Variants in NTRK3 observed in about 807,000 individuals in gnomAD.
NTRK3 encodes the protein neurotrophic receptor tyrosine kinase 3, also known as NT-3 growth factor receptor.
In NTRK3, 24 loss-of-function variants were observed where a neutral mutation model predicts 91.7. The ratio of observed to expected loss-of-function variants is 0.26; its 90% CI spans 0.19 to 0.37. NTRK3 has a LOEUF of 0.37. NTRK3 is among the 10% of genes least tolerant of loss of function. NTRK3 has a pLI of 1.00. For synonymous variants in NTRK3, 483 were observed against 404.0 expected (o/e 1.20, Z -2.34); for missense variants, 880 against 1,068.9 (o/e 0.82, Z 2.46).
intron 14 of NTRK3, among the ~76,000 whole-genome samples, chr15:88,024,040 T>C (rs1193529828): frequency 1.3e-5 from 2 of 152,230 alleles, no homozygotes; most frequent in Non-Finnish European, 2.9e-5. Context: ...CAGAAATCTA[T>C]ATCACGCTGA....
At chr15:88,198,851 G>T (rs1597902908) in intron 3 of NTRK3, among the ~76,000 whole-genome samples, 2 of 152,238 alleles carry the variant, frequency 1.3e-5, no homozygotes, top group South Asian at 2.1e-4. Context: ...ACAAAACAGA[G>T]AGCTGAGGAG....
intron 14 of NTRK3, among the ~76,000 whole-genome samples, chr15:87,952,609 C>T (rs1028659673): frequency 1.3e-5 from 2 of 152,208 alleles, no homozygotes; most frequent in East Asian, 3.8e-4. Flanking sequence ...TCTTGGCCGC[C>T]GGCTCACCCT....
intron 14 of NTRK3, among the ~76,000 whole-genome samples, chr15:87,976,293 A>C (rs895869630): frequency 3.3e-5 from 5 of 152,112 alleles, no homozygotes; most frequent in African/African-American, 9.7e-5. Context: ...TCCATTTGGC[A>C]TAAGGGGGTC....
At chr15:88,077,947 G>A (rs1269892745) in intron 13 of NTRK3, among the ~76,000 whole-genome samples, 2 of 152,162 alleles carry the variant, frequency 1.3e-5, no homozygotes, top group East Asian at 1.9e-4. Context: ...AGGAAATCTC[G>A]GATCATGTCC....
intron 14 of NTRK3, among the ~76,000 whole-genome samples, chr15:87,952,282 AAG>A (rs2071204229): frequency 6.6e-6 from 1 of 151,802 alleles, no homozygotes; most frequent in Non-Finnish European, 1.5e-5. Flanking sequence ...GAAAGAAAGA[AAG>A]AAAAGAAAGA....
intron 14 of NTRK3, among the ~76,000 whole-genome samples, chr15:87,993,514 CT>C (rs1438578157): frequency 3.9e-5 from 6 of 152,052 alleles, no homozygotes; most frequent in Non-Finnish European, 8.8e-5. Context: ...AAGAATAGTT[CT>C]TCACCTTTCT....
At chr15:87,994,318 T>C (rs1223862633) in intron 14 of NTRK3, among the ~76,000 whole-genome samples, 2 of 152,222 alleles carry the variant, frequency 1.3e-5, no homozygotes, top group African/African-American at 4.8e-5. Flanking sequence ...TCTTTGCAGA[T>C]GTTCAAGTTA....
At chr15:87,989,404 C>CA (rs1458355067) in intron 14 of NTRK3, among the ~76,000 whole-genome samples, 1 of 151,946 alleles carries the variant, frequency 6.6e-6, no homozygotes, top group Non-Finnish European at 1.5e-5. Flanking sequence ...ATCGCAAGGA[C>CA]AAAAAACCAA....
intron 13 of NTRK3, among the ~76,000 whole-genome samples, chr15:88,121,176 AT>A (rs1232897537): frequency 1.3e-5 from 2 of 152,190 alleles, no homozygotes; most frequent in African/African-American, 4.8e-5. Context: ...TATACTTTCT[AT>A]TAAATAATTT....
At chr15:88,060,547 G>A (rs1597066219) in intron 13 of NTRK3, among the ~76,000 whole-genome samples, 1 of 152,240 alleles carries the variant, frequency 6.6e-6, no homozygotes, top group East Asian at 1.9e-4. Flanking sequence ...CCAGTGGCAA[G>A]ATAAGGGGGA....
chr15:88,043,981 G>T (rs2079900147), intron 13 of NTRK3, among the ~76,000 whole-genome samples: 1 of 152,076 alleles, frequency 6.6e-6, no homozygotes, highest in Non-Finnish European at 1.5e-5. Context: ...GTCATACCAT[G>T]GCATATTGTC....
intron 13 of NTRK3, among the ~76,000 whole-genome samples, chr15:88,077,332 C>A (rs2047638280): frequency 6.6e-6 from 1 of 152,118 alleles, no homozygotes. Flanking sequence ...GAGTCACGAA[C>A]TGCATGGCTC....
At chr15:87,950,023 G>A (rs1213148287) in intron 14 of NTRK3, among the ~76,000 whole-genome samples, 7 of 152,154 alleles carry the variant, frequency 4.6e-5, no homozygotes, top group Non-Finnish European at 1.0e-4. Context: ...TCTCCCCAGA[G>A]GCCCTTCCTT....
chr15:88,092,117 A>C (rs2049071746), intron 13 of NTRK3, among the ~76,000 whole-genome samples: 1 of 152,190 alleles, frequency 6.6e-6, no homozygotes, highest in African/African-American at 2.4e-5. Context: ...CAGGTTCTTG[A>C]GCAGCTTGTT....
chr15:88,238,628 T>A (rs1567699631), intron 3 of NTRK3, among the ~76,000 whole-genome samples: 2 of 152,368 alleles, frequency 1.3e-5, no homozygotes, highest in East Asian at 3.9e-4. Flanking sequence ...TTGTGATGTT[T>A]AACGTGTATA....
Position 87,944,423 on chromosome 15 carries a change from T to A in NTRK3, c.1586-3670A>T, listed in dbSNP as rs142750217. On this transcript the variant is annotated intron_variant, in intron 14 of 18. Transcript: ENST00000394480. ...TCAACACCTACTGTGTGTTCAACAC[T>A]TGATTCTCATCATAATCCTGAGAGA... is the stretch of plus-strand genomic sequence containing the variant. Among the ~76,000 whole-genome samples the A allele has an allele frequency of 9.9e-3, 1,502 of 152,346 alleles. 14 individuals are homozygous for A. The highest frequency in any genetic ancestry group is 0.013 in the Non-Finnish European group (883 of 68,030).
chr15:88,140,880 G>A (rs536500176), intron 6 of NTRK3, among the ~76,000 whole-genome samples: 32 of 152,244 alleles, frequency 2.1e-4, no homozygotes, highest in African/African-American at 7.7e-4. Flanking sequence ...CTGGAGAGAG[G>A]GAAGAGAAGA....
intron 17 of NTRK3, among the ~76,000 whole-genome samples, chr15:87,913,092 A>C (rs2067212924): frequency 6.6e-6 from 1 of 151,260 alleles, no homozygotes; most frequent in Non-Finnish European, 1.5e-5. Flanking sequence ...GGGGAATCAA[A>C]TCTACCCAGA....
At chr15:88,039,782 C>A (rs2079429049) in intron 13 of NTRK3, among the ~76,000 whole-genome samples, 1 of 152,228 alleles carries the variant, frequency 6.6e-6, no homozygotes, top group South Asian at 2.1e-4. Context: ...ACAAAGGAGA[C>A]AGGGTCATTT....
Sources: allele counts gnomAD v4.1 joint callset (sites outside exome capture counted in the v4.1 genomes callset), GRCh38; gene constraint gnomAD v4.1.1; transcripts MANE v1.5; gene names NCBI Gene and HGNC (gene_info 2026-07-23, HGNC 2026-07-21).